Variants in PLEKHA8 observed in about 807,000 individuals in gnomAD.
The protein encoded by PLEKHA8 is pleckstrin homology domain containing A8.
A neutral mutation model predicts 68.2 loss-of-function variants in PLEKHA8; 36 were observed. That is an observed-to-expected ratio of 0.53 (90% confidence interval 0.40 to 0.70). The LOEUF is 0.70. PLEKHA8 is among the 30% of genes least tolerant of loss of function. The pLI is 0.00. For synonymous variants in PLEKHA8, 211 were observed against 216.1 expected, an observed-to-expected ratio of 0.98 and a Z score of 0.20; for missense variants, 505 against 615.4, an observed-to-expected ratio of 0.82 and a Z score of 1.90.
intron 6 of PLEKHA8, 47 bp from the exon 7 acceptor site, chr7:30,052,662 A>G: frequency 7.1e-7 from 1 of 1,410,372 alleles, no homozygotes; most frequent in Admixed American, 2.9e-5. Flanking sequence ...AAAAAAAAAG[A>G]CCAAATAACG....
At position 30,079,448 on chromosome 7, in the gene PLEKHA8, T is replaced by TTGGAG. The variant is rs1794812476; in HGVS notation, c.*662_*666dup. The TTGGAG allele has an allele frequency of 3.0e-6, 3 of 985,290 alleles. No homozygotes were observed. The highest frequency in any genetic ancestry group is 3.6e-6 in the Non-Finnish European group (3 of 829,912). 61.0% of individuals were successfully genotyped at this position (985,290 alleles called of 1,614,324 possible). ...ATTAATGGTGTGCCCTAGCCCCAAG[T>TTGGAG]TGGAGGGGAGAATATGAGAGAGGTG... On this transcript the variant is annotated 3_prime_UTR_variant, in exon 14 of 14. Coordinates refer to ENST00000449726, the MANE Select transcript of PLEKHA8 (RefSeq NM_001197026.2).
At position 30,078,720 on chromosome 7, in the gene PLEKHA8, A is replaced by T. The variant is rs1794766007; in HGVS notation, c.1493A>T (p.Glu498Val). 6.2e-7 allele frequency: 1 copy of T among 1,613,724 alleles called. No homozygotes were observed. Among genetic ancestry groups the T allele is most frequent in the African/African-American group, 1.3e-5 (1 of 74,900 alleles). The change falls in exon 14 of 14, where the codon GAG (glutamate) becomes GTG (valine). Residue 498 changes from glutamate to valine, a missense_variant. Physicochemically the swap from Glu to Val is moderately radical, Grantham distance 121 (BLOSUM62 -2). Coordinates refer to ENST00000449726, the MANE Select transcript of PLEKHA8 (RefSeq NM_001197026.2). ...CTCAGCCTTTACCTCCCTGCCATGG[A>T]GAAGCAGCTGGCCATACTGGACACT... Reference protein sequence around the residue: ...RDLSLYLPAMEKQLAILDTLY... With the variant: ...RDLSLYLPAMVKQLAILDTLY...
At chr7:30,129,274 A>T in exon 14 of PLEKHA8, 1 of 1,612,714 alleles carries the variant, frequency 6.2e-7, no homozygotes, top group Non-Finnish European at 8.5e-7. Flanking sequence ...AGGTGTAGGA[A>T]TGTGGGTGTA....
chr7:30,091,458 T>G (rs1423797766), downstream of PLEKHA8, among the ~76,000 whole-genome samples: 1 of 152,194 alleles, frequency 6.6e-6, no homozygotes, highest in African/African-American at 2.4e-5. Context: ...CTTTAAAATT[T>G]CTAGCTTTAT....
chr7:30,060,360 C>T (rs923117287), intron 9 of PLEKHA8, among the ~76,000 whole-genome samples: 4 of 152,038 alleles, frequency 2.6e-5, no homozygotes, highest in African/African-American at 9.7e-5. Flanking sequence ...ATCGCTTGAA[C>T]CTGGGAGGTG....
intron 13 of PLEKHA8, among the ~76,000 whole-genome samples, chr7:30,098,857 A>G (rs992543634): frequency 6.6e-6 from 1 of 152,178 alleles, no homozygotes; most frequent in Non-Finnish European, 1.5e-5. Context: ...CCAGTGAGAT[A>G]AACCCGGTAC....
Position 30,047,876 on chromosome 7 carries a change from C to G in PLEKHA8, c.358C>G (p.Leu120Val). Residue 120 changes from leucine to valine, a missense_variant, in exon 4 of 14, where the codon CTA (leucine) becomes GTA (valine). Physicochemically the swap from Leu to Val is conservative, Grantham distance 32 (BLOSUM62 1). Transcript: ENST00000449726. Reference sequence around the variant, plus strand: ...AAACTTGAAAACCAAAATGTCAGAACTAAGACTCTACTGTGACCTCCTTGT... The same window carrying G: ...AAACTTGAAAACCAAAATGTCAGAAGTAAGACTCTACTGTGACCTCCTTGT... The part of the protein sequence containing the change: ...TENLKTKMSE[L>V]RLYCDLLVQQ... 6.2e-7 allele frequency: 1 copy of G among 1,609,678 alleles called. No individual in the cohort carries two copies. Among genetic ancestry groups the G allele is most frequent in the African/African-American group, 1.3e-5 (1 of 74,832 alleles).
intron 7 of PLEKHA8, 150 bp from the exon 8 acceptor site, chr7:30,054,559 G>A (rs1037873584): frequency 7.0e-6 from 3 of 431,630 alleles, no homozygotes; most frequent in South Asian, 8.9e-5. Context: ...TTGTTTGTGT[G>A]TGTAGATGTA....
chr7:30,081,916 CT>C lies in PLEKHA8; in HGVS notation c.*3133del, dbSNP rs1246809693. ...TTTTCAATGATGGCAAGTCTCTTGA[CT>C]TTTGAAAGCAAGTCAGATTCCTTAT... On this transcript the variant is annotated 3_prime_UTR_variant, in exon 14 of 14. Transcript: ENST00000449726. The C allele has an allele frequency of 6.2e-6, 6 of 973,682 alleles. No individual in the cohort carries two copies. The East Asian group carries it at 4.6e-4, about 74-fold the overall frequency. 60.3% of individuals were successfully genotyped at this position (973,682 alleles called of 1,614,324 possible). A position where few individuals can be genotyped will look rare whatever the true frequency, so the allele number is the denominator to read the frequency against.
chr7:30,087,184 C>T (rs145290097), downstream of PLEKHA8, among the ~76,000 whole-genome samples: 1 of 152,174 alleles, frequency 6.6e-6, no homozygotes, highest in Non-Finnish European at 1.5e-5. Context: ...TTTATGAGAT[C>T]ACCTTAGACA....
chr7:30,050,698 AT>A, intron 6 of PLEKHA8: 1 of 446,016 alleles, frequency 2.2e-6, no homozygotes, highest in Non-Finnish European at 3.7e-6. Context: ...TTTCCCTAAG[AT>A]GGATCTCACC....
rs928114276 is a variant in PLEKHA8 at position 30,114,705 on chromosome 7, G to A, written c.1363-14561G>A. Reference sequence around the variant, plus strand: ...TGTGAGCTTATCTTTAAAGAAGGCTGTTTTTCTGTGAGAATCCCCGTGGCC... The same window carrying A: ...TGTGAGCTTATCTTTAAAGAAGGCTATTTTTCTGTGAGAATCCCCGTGGCC... On this transcript the variant is annotated intron_variant, in intron 13 of 13. Coordinates refer to the PLEKHA8 transcript ENST00000396257. Among the ~76,000 whole-genome samples the A allele has an allele frequency of 1.2e-4, 19 of 152,108 alleles. 1 individual carries two copies. The highest frequency in any genetic ancestry group is 4.3e-4 in the African/African-American group (18 of 41,402).
chr7:30,112,902 TA>T (rs76790672), intron 13 of PLEKHA8, among the ~76,000 whole-genome samples: 22,124 of 145,330 alleles, frequency 0.15, 1,604 homozygotes, highest in Middle Eastern at 0.19. Flanking sequence ...TCTGTCTCTT[TA>T]AAAAAAAAAA....
downstream of PLEKHA8, among the ~76,000 whole-genome samples, chr7:30,095,620 A>G (rs1167233050): frequency 6.6e-6 from 1 of 152,220 alleles, no homozygotes; most frequent in African/African-American, 2.4e-5. Flanking sequence ...CCTGAATGGT[A>G]TTGCCTAGGT....
chr7:30,065,289 T>C (rs941278059), intron 12 of PLEKHA8, among the ~76,000 whole-genome samples: 2 of 152,176 alleles, frequency 1.3e-5, no homozygotes, highest in African/African-American at 4.8e-5. Context: ...TTCAGGCTTA[T>C]TTCAAAGAAG....
chr7:30,055,229 T>G, intron 8 of PLEKHA8, 28 bp from the exon 9 acceptor site: 1 of 1,592,716 alleles, frequency 6.3e-7, no homozygotes, highest in Non-Finnish European at 8.6e-7. Context: ...TTTCAATCTT[T>G]TCTCCTCCAT....
intron 1 of PLEKHA8, among the ~76,000 whole-genome samples, chr7:30,035,822 A>G (rs1038623535): frequency 6.6e-6 from 1 of 151,126 alleles, no homozygotes; most frequent in Admixed American, 6.6e-5. Flanking sequence ...TTTTTTTTGT[A>G]TTTTTAGTAG....
rs1795042863 is a variant in PLEKHA8 at position 30,083,462 on chromosome 7, C to G, written c.*4675C>G. ...CCCTGTAAATGTTCCCAATTCCCAT[C>G]CTGTCTCAGACAGTCAATAGTCCTG... On this transcript the variant is annotated 3_prime_UTR_variant, in exon 14 of 14. Transcript: ENST00000449726. 1 of 985,196 alleles carries G rather than the reference C, an allele frequency of 1.0e-6. No individual in the cohort carries two copies. The highest frequency in any genetic ancestry group is 6.2e-5 in the Admixed American group (1 of 16,256). 61.0% of individuals were successfully genotyped at this position (985,196 alleles called of 1,614,324 possible).
At position 30,097,053 on chromosome 7, in the gene PLEKHA8, C is replaced by T. The variant is rs529174584; in HGVS notation, c.1362+22921C>T. Among the ~76,000 whole-genome samples, 212 of 152,226 alleles carry T rather than the reference C, an allele frequency of 1.4e-3. 3 individuals are homozygous for T. The highest frequency in any genetic ancestry group is 4.9e-3 in the African/African-American group (202 of 41,532). On this transcript the variant is annotated intron_variant, in intron 13 of 13. Coordinates refer to the PLEKHA8 transcript ENST00000396257. The stretch of plus-strand genomic sequence containing the variant: ...ACAAAATCTCTCAGCATTTGCTTGT[C>T]TGTAAAGTATTTTATTTCTCCTTCA...
Sources: allele counts gnomAD v4.1 joint callset (sites outside exome capture counted in the v4.1 genomes callset), GRCh38; gene constraint gnomAD v4.1.1; transcripts MANE v1.5; gene names NCBI Gene and HGNC (gene_info 2026-07-23, HGNC 2026-07-21).